Variants in NSL1 observed in about 807,000 individuals in gnomAD.
NSL1 encodes the protein NSL1 component of MIS12 kinetochore complex.
In NSL1, 11 loss-of-function variants were observed where a neutral mutation model predicts 25.4. That is an observed-to-expected ratio of 0.43 (90% CI 0.27 to 0.72). NSL1 has a LOEUF of 0.72. Ranked by LOEUF, NSL1 falls within the 30% of genes least tolerant of loss-of-function variation. The probability of loss-of-function intolerance (pLI) is 0.19; values close to 1 mark genes in which losing one functional copy is unlikely to be tolerated. For missense variants in NSL1, 330 were observed against 342.7 expected (o/e 0.96, Z 0.29); for synonymous variants, 118 against 120.6 (o/e 0.98, Z 0.14).
chr1:212,790,896 C>T (rs111821293), intron 1 of NSL1, among the ~76,000 whole-genome samples: 3,451 of 151,322 alleles, frequency 0.023, 62 homozygotes, highest in South Asian at 0.041. Context: ...GCACTCCAGC[C>T]TGGGCGACAG....
rs190386069 is a variant in NSL1 at position 212,726,680 on chromosome 1, C to A, written c.*11728G>T. 6.5e-5 allele frequency: 10 copies of A among 154,858 alleles called. No homozygotes were observed. The highest frequency in any genetic ancestry group is 1.4e-4 in the Non-Finnish European group (10 of 69,922). The allele number at this position is 154,858 out of a possible 1,614,324, so 9.6% of individuals were successfully genotyped here. A position where few individuals can be genotyped will look rare whatever the true frequency, so the allele number is the denominator to read the frequency against. On this transcript the variant is annotated 3_prime_UTR_variant, in exon 6 of 6. Transcript: ENST00000366977. ...TCAGCTCCCAGCGGCACTGTGTTAC[C>A]CCTGAGGTTGGCTCCTCTTCAATGT...
chr1:212,777,183 G>C (rs1239981791), intron 4 of NSL1, among the ~76,000 whole-genome samples: 2 of 152,034 alleles, frequency 1.3e-5, no homozygotes, highest in East Asian at 3.8e-4. Flanking sequence ...AGACCAGCCT[G>C]GGTAACATAG....
chr1:212,760,166 G>A lies in NSL1; in HGVS notation c.500-20565C>T, dbSNP rs1379848350. Among the ~76,000 whole-genome samples the A allele has an allele frequency of 2.0e-5, 3 of 151,904 alleles. No individual in the cohort carries two copies. Among genetic ancestry groups the A allele is most frequent in the African/African-American group, 7.3e-5 (3 of 41,354 alleles). ...GGCACACACACACACACACCATAAG[G>A]GAGCTTAACAGCAGGTCCAGCCTGT... On this transcript the variant is annotated intron_variant, in intron 4 of 5. Transcript: ENST00000366977. The surrounding 1 kb of genome is among the most constrained non-coding windows in gnomAD (Gnocchi z 4.3).
At chr1:212,791,335 G>C (rs372185252) in intron 1 of NSL1, among the ~76,000 whole-genome samples, 195 bp downstream of exon 1, 20 of 152,314 alleles carry the variant, frequency 1.3e-4, no homozygotes, top group African/African-American at 4.8e-4. Flanking sequence ...GACAGCGCTG[G>C]TCTAAGTAAT....
At chr1:212,752,889 C>CA (rs11284993) in intron 4 of NSL1, among the ~76,000 whole-genome samples, 26,590 of 133,822 alleles carry the variant, frequency 0.2, 2,465 homozygotes, top group African/African-American at 0.22. Context: ...AGAAATTCAG[C>CA]AAAAAAAAAA....
rs1162227650 is a variant in NSL1 at position 212,727,920 on chromosome 1, G to A, written c.*10488C>T. The A allele has an allele frequency of 5.1e-6, 5 of 985,294 alleles. No homozygotes were observed. Among genetic ancestry groups the A allele is most frequent in the Admixed American group, 6.2e-5 (1 of 16,260 alleles). 61.0% of individuals were successfully genotyped at this position (985,294 alleles called of 1,614,324 possible). ...TTGAAAAAAAATGAGAAGAACCAAC[G>A]AGGTCGCTGTGGTGTAGCGGTGAGA... On this transcript the variant is annotated 3_prime_UTR_variant, in exon 6 of 6. Coordinates refer to ENST00000366977, the MANE Select transcript of NSL1 (RefSeq NM_015471.4).
At chr1:212,762,722 C>T (rs1659632968) in intron 4 of NSL1, among the ~76,000 whole-genome samples, 2 of 152,160 alleles carry the variant, frequency 1.3e-5, no homozygotes, top group African/African-American at 4.8e-5. Context: ...AAGCCTTAAC[C>T]CTACCGAGAG....
chr1:212,763,961 C>G (rs1490763254), intron 4 of NSL1: 1 of 390,694 alleles, frequency 2.6e-6, no homozygotes, highest in Non-Finnish European at 5.1e-6. Context: ...TTCTTCCCAA[C>G]AACTGCAGAA....
chr1:212,736,502 C>T lies in NSL1; in HGVS notation c.*1906G>A, dbSNP rs1485663096. On this transcript the variant is annotated 3_prime_UTR_variant, in exon 6 of 6. Coordinates refer to ENST00000366977, the MANE Select transcript of NSL1 (RefSeq NM_015471.4). ...GGCCTATGCAGAAATGCAACTTCTC[C>T]TCTTACACAGTATACTTATTCAATA... is the stretch of plus-strand genomic sequence containing the variant. 2 of 985,068 alleles carry T rather than the reference C, an allele frequency of 2.0e-6. No individual in the cohort carries two copies. Among genetic ancestry groups the T allele is most frequent in the African/African-American group, 1.7e-5 (1 of 57,222 alleles). The allele number at this position is 985,068 out of a possible 1,614,324, so 61.0% of individuals were successfully genotyped here. A position where few individuals can be genotyped will look rare whatever the true frequency, so the allele number is the denominator to read the frequency against.
In NSL1 at chr1:212,732,785, AT is replaced by A. The variant is rs149796062; in HGVS notation, c.*5622del. ...CCCCAAACGGGATGCCTTGGAGGTA[AT>A]TTTTTTTGACGCTTTGCATATCTGA... On this transcript the variant is annotated 3_prime_UTR_variant, in exon 6 of 6. Coordinates refer to ENST00000366977, the MANE Select transcript of NSL1 (RefSeq NM_015471.4). 2,550 of 253,956 alleles carry A rather than the reference AT, an allele frequency of 0.01. 57 individuals carry two copies. Among genetic ancestry groups the A allele is most frequent in the African/African-American group, 0.051 (2,198 of 43,170 alleles). The allele number at this position is 253,956 out of a possible 1,614,324, so 15.7% of individuals were successfully genotyped here.
In NSL1 at chr1:212,752,907, C is replaced by G. The variant is rs552368942; in HGVS notation, c.500-13306G>C. Among the ~76,000 whole-genome samples, 196 of 147,226 alleles carry G rather than the reference C, an allele frequency of 1.3e-3. 1 individual carries two copies. The highest frequency in any genetic ancestry group is 4.7e-3 in the African/African-American group (189 of 40,084). On this transcript the variant is annotated intron_variant, in intron 4 of 5. Transcript: ENST00000366977. ...AATTCAGCAAAAAAAAAAAAAAGCA[C>G]TAAGTGAGTACTTCCTTTCTATTTC...
chr1:212,735,892 G>A lies in NSL1; in HGVS notation c.*2516C>T, dbSNP rs76974842. On this transcript the variant is annotated 3_prime_UTR_variant, in exon 6 of 6. Transcript: ENST00000366977. ...CTTCTAGCCTCCAGAACTGTGAGAAGTAAGTATCTGTTGTTTAAGCCACCC... is the reference window on the plus strand; with the variant it reads ...CTTCTAGCCTCCAGAACTGTGAGAAATAAGTATCTGTTGTTTAAGCCACCC... 3.3e-3 allele frequency: 3,095 copies of A among 933,220 alleles called. 64 individuals carry two copies. In the East Asian group the frequency reaches 0.11, roughly 33 times the overall value. The allele number at this position is 933,220 out of a possible 1,614,324, so 57.8% of individuals were successfully genotyped here.
At position 212,773,209 on chromosome 1, in the gene NSL1, T is replaced by C. The variant is rs537795964; in HGVS notation, c.499+9163A>G. 1.4e-4 allele frequency among the ~76,000 whole-genome samples: 22 copies of C among 152,292 alleles called. 1 individual carries two copies. In the South Asian group the frequency reaches 2.7e-3, roughly 19 times the overall value. ...GGATTACATCAAACTAAAAAGTTTC[T>C]GCACAGCAAAGGAAACAATCAACAG... is the stretch of plus-strand genomic sequence containing the variant. On this transcript the variant is annotated intron_variant, in intron 4 of 5. Coordinates refer to ENST00000366977, the MANE Select transcript of NSL1 (RefSeq NM_015471.4).
chr1:212,757,536 T>G (rs1291285070), intron 4 of NSL1, among the ~76,000 whole-genome samples: 1 of 152,128 alleles, frequency 6.6e-6, no homozygotes. Flanking sequence ...CAGCTTCTGG[T>G]AGGGCCTCAG....
intron 4 of NSL1, among the ~76,000 whole-genome samples, chr1:212,779,175 C>T (rs1251197173): frequency 3.3e-5 from 5 of 151,654 alleles, no homozygotes; most frequent in Admixed American, 2.6e-4. Flanking sequence ...GCAACCACAC[C>T]GTCTGGGAAG....
intron 4 of NSL1, chr1:212,782,122 T>C: frequency 1.4e-6 from 1 of 696,842 alleles, no homozygotes; most frequent in Non-Finnish European, 2.7e-6. Flanking sequence ...GTATGTGTTA[T>C]AATAGTCTGG....
intron 4 of NSL1, among the ~76,000 whole-genome samples, chr1:212,764,868 A>AAAAG (rs1659731813): frequency 7.2e-6 from 1 of 138,050 alleles, no homozygotes; most frequent in African/African-American, 2.9e-5. Context: ...AAAAAAAAAA[A>AAAAG]AAAGAAAGAA....
Position 212,738,123 on chromosome 1 carries a change from T to C in NSL1, c.*285A>G. ...AAGCTACAAGGGAGCTGAGAGTTGA[T>C]GGCACTTAAGGACAGTAAAAGTCTG... On this transcript the variant is annotated 3_prime_UTR_variant, in exon 6 of 6. Transcript: ENST00000366977. 1 of 1,068,460 alleles carries C rather than the reference T, an allele frequency of 9.4e-7. No individual in the cohort carries two copies. The highest frequency in any genetic ancestry group is 1.1e-6 in the Non-Finnish European group (1 of 883,700). The allele number at this position is 1,068,460 out of a possible 1,614,324, so 66.2% of individuals were successfully genotyped here.
At chr1:212,765,673 T>G (rs1659770068) in intron 4 of NSL1, among the ~76,000 whole-genome samples, 1 of 151,534 alleles carries the variant, frequency 6.6e-6, no homozygotes, top group Non-Finnish European at 1.5e-5. Context: ...ATACAAAAAT[T>G]AGCATGCCTG....
Sources: allele counts gnomAD v4.1 joint callset (sites outside exome capture counted in the v4.1 genomes callset), GRCh38; gene constraint gnomAD v4.1.1; non-coding constraint Gnocchi (gnomAD v3.1); transcripts MANE v1.5; gene names NCBI Gene and HGNC (gene_info 2026-07-23, HGNC 2026-07-21).